TLN2: variants seen among roughly 807,000 people sequenced by gnomAD.
The protein encoded by TLN2 is talin-2.
Under a neutral mutation model 294.7 loss-of-function variants are expected in TLN2, and 118 were observed. The ratio of observed to expected loss-of-function variants is 0.40; its 90% CI spans 0.34 to 0.47. The LOEUF (loss-of-function observed/expected upper bound fraction) is 0.47. Ranked by LOEUF, TLN2 falls within the 20% of genes least tolerant of loss-of-function variation. The pLI, the probability that TLN2 is intolerant of heterozygous loss-of-function variation, is 0.84. For missense variants in TLN2, 3,083 were observed against 3,282.2 expected (o/e 0.94, Z 1.48); for synonymous variants, 1,431 against 1,304.5 (o/e 1.10, Z -2.09).
At chr15:62,478,180 C>A (rs1241069183) in intron 1 of TLN2, among the ~76,000 whole-genome samples, 1 of 152,110 alleles carries the variant, frequency 6.6e-6, no homozygotes, top group Non-Finnish European at 1.5e-5. Flanking sequence ...ACTGAAGGAA[C>A]TCACCCAGTG....
intron 3 of TLN2, among the ~76,000 whole-genome samples, chr15:62,641,245 G>T (rs749667273): frequency 1.2e-4 from 18 of 152,242 alleles, no homozygotes; most frequent in Middle Eastern, 3.4e-3. Flanking sequence ...AATGATATTT[G>T]TAGCTCAGAT....
chr15:62,610,839 A>C (rs2047852806), intron 2 of TLN2, among the ~76,000 whole-genome samples: 1 of 152,200 alleles, frequency 6.6e-6, no homozygotes, highest in African/African-American at 2.4e-5. Flanking sequence ...AATGAGGATC[A>C]CCTGTGTATC....
intron 1 of TLN2, among the ~76,000 whole-genome samples, chr15:62,427,133 A>G (rs529028710): frequency 5.3e-4 from 81 of 152,162 alleles, no homozygotes; most frequent in Non-Finnish European, 1.0e-3. Context: ...AGTGGCCAGC[A>G]TCAGTGATGG....
intron 57 of TLN2, among the ~76,000 whole-genome samples, chr15:62,837,397 T>C (rs988944163): frequency 5.3e-5 from 8 of 152,234 alleles, no homozygotes; most frequent in Admixed American, 5.2e-4. Context: ...CATAATCTTA[T>C]ATAAATCACT....
intron 1 of TLN2, among the ~76,000 whole-genome samples, chr15:62,557,283 A>G (rs1381492370): frequency 1.3e-5 from 2 of 152,192 alleles, no homozygotes; most frequent in Admixed American, 6.5e-5. Flanking sequence ...CCTAAGAGCC[A>G]GTTGGTAGGG....
At chr15:62,562,025 T>C (rs2043006381) in intron 1 of TLN2, among the ~76,000 whole-genome samples, 2 of 152,318 alleles carry the variant, frequency 1.3e-5, no homozygotes, top group Non-Finnish European at 2.9e-5. Context: ...TTTTTCCTTT[T>C]CAACTTATAA....
At chr15:62,641,626 A>C (rs2051118726) in intron 3 of TLN2, among the ~76,000 whole-genome samples, 1 of 143,300 alleles carries the variant, frequency 7.0e-6, no homozygotes, top group African/African-American at 2.6e-5. Flanking sequence ...CATCTAAAAA[A>C]TAAAAATAAA....
intron 1 of TLN2, among the ~76,000 whole-genome samples, chr15:62,528,337 G>C (rs1256826317): frequency 6.6e-6 from 1 of 152,158 alleles, no homozygotes; most frequent in African/African-American, 2.4e-5. Flanking sequence ...ATCAGATTAA[G>C]GTGATTGAGT....
intron 1 of TLN2, among the ~76,000 whole-genome samples, chr15:62,424,502 C>G (rs1049095686): frequency 6.6e-6 from 1 of 152,218 alleles, no homozygotes; most frequent in Non-Finnish European, 1.5e-5. Flanking sequence ...CCACCTGCAT[C>G]TCTTGCTTTC....
chr15:62,792,448 G>A (rs1042125996), intron 45 of TLN2, among the ~76,000 whole-genome samples, 193 bp from the exon 46 acceptor site: 3 of 152,162 alleles, frequency 2.0e-5, no homozygotes, highest in Non-Finnish European at 4.4e-5. Context: ...TAGAGACTGG[G>A]CATTTTACAG....
chr15:62,475,644 A>C lies in TLN2; in HGVS notation c.-238+84959A>C, dbSNP rs112466087. On this transcript the variant is annotated intron_variant, in intron 1 of 58. Coordinates refer to ENST00000636159, the MANE Select transcript of TLN2 (RefSeq NM_015059.3). The stretch of plus-strand genomic sequence containing the variant: ...CTCATAAATTCAGATTTTTGAAAAA[A>C]GTTTTTCAGTTTCCCTCTACAATTT... Among the ~76,000 whole-genome samples, 544 of 152,182 alleles carry C rather than the reference A, an allele frequency of 3.6e-3. 3 individuals carry two copies. The highest frequency in any genetic ancestry group is 0.012 in the African/African-American group (503 of 41,516).
intron 1 of TLN2, among the ~76,000 whole-genome samples, chr15:62,552,467 C>A (rs2042377046): frequency 6.6e-6 from 1 of 152,126 alleles, no homozygotes; most frequent in African/African-American, 2.4e-5. Context: ...TGAGATCACA[C>A]AAGAAAACAC....
chr15:62,437,258 A>T (rs935524544), intron 1 of TLN2, among the ~76,000 whole-genome samples: 3 of 152,200 alleles, frequency 2.0e-5, no homozygotes, highest in African/African-American at 4.8e-5. Context: ...CTTTCTGAGG[A>T]GCACATTCAT....
At chr15:62,791,821 T>A (rs919163605) in intron 45 of TLN2, among the ~76,000 whole-genome samples, 4 of 152,326 alleles carry the variant, frequency 2.6e-5, no homozygotes, top group East Asian at 1.9e-4. Flanking sequence ...AAAATGAAAT[T>A]TGATGTGAAA....
intron 1 of TLN2, among the ~76,000 whole-genome samples, chr15:62,588,802 A>C (rs1567151103): frequency 6.7e-6 from 1 of 149,050 alleles, no homozygotes; most frequent in Non-Finnish European, 1.5e-5. Flanking sequence ...TTTTAATCTA[A>C]AATTTTTGAA....
Position 62,702,012 on chromosome 15 carries a change from T to C in TLN2, c.1717T>C (p.Tyr573His). 2 of 1,614,184 alleles carry C rather than the reference T, an allele frequency of 1.2e-6. No individual in the cohort carries two copies. The highest frequency in any genetic ancestry group is 1.7e-6 in the Non-Finnish European group (2 of 1,180,046). ...LTAGDPADTD[Y>H]TAVGCAITTI... ...GCCAGGTGACCCTGCAGACACTGAC[T>C]ACACAGCTGTGGGATGTGCGATCAC... The change falls in exon 18 of 59, where the codon TAC (tyrosine) becomes CAC (histidine). Residue 573 changes from tyrosine (Y) to histidine (H), a missense_variant. Transcript: ENST00000636159.
intron 45 of TLN2, among the ~76,000 whole-genome samples, chr15:62,786,957 G>A (rs975877456): frequency 2.0e-5 from 3 of 152,012 alleles, no homozygotes; most frequent in African/African-American, 7.3e-5. Flanking sequence ...CTGGAGTACA[G>A]TAGTGCAATC....
chr15:62,644,127 C>G (rs368873844), intron 3 of TLN2, among the ~76,000 whole-genome samples: 1 of 152,006 alleles, frequency 6.6e-6, no homozygotes, highest in Non-Finnish European at 1.5e-5. Flanking sequence ...TCTCCTGAAC[C>G]TGCTACTCCA....
chr15:62,820,706 C>T, intron 54 of TLN2, 96 bp downstream of exon 54: 1 of 1,491,502 alleles, frequency 6.7e-7, no homozygotes, highest in Non-Finnish European at 9.0e-7. Flanking sequence ...GAGCTTGGCT[C>T]CTTCCTTATG....
Sources: gnomAD v4.1 joint callset for allele counts (sites outside exome capture counted in the v4.1 genomes callset) on GRCh38, gnomAD v4.1.1 for gene constraint, MANE v1.5 for transcripts, NCBI Gene and HGNC (gene_info 2026-07-23, HGNC 2026-07-21) for gene names.